CDH18: variants seen among roughly 807,000 people sequenced by gnomAD.
The protein encoded by CDH18 is cadherin-18.
A neutral mutation model predicts 67.9 loss-of-function variants in CDH18; 31 were observed. The observed-to-expected ratio is 0.46, with a 90% confidence interval of 0.34 to 0.62. The LOEUF (loss-of-function observed/expected upper bound fraction) is 0.62, where lower values mean the gene tolerates loss of function less well. Among genes scored for constraint, CDH18 ranks in the 20% least tolerant of loss-of-function variants. The pLI is 0.01. For missense variants in CDH18, 890 were observed against 975.5 expected (o/e 0.91, Z 1.17); for synonymous variants, 362 against 347.2 (o/e 1.04, Z -0.48).
intron 1 of CDH18, among the ~76,000 whole-genome samples, chr5:20,544,721 A>T (rs1311081123): frequency 6.6e-6 from 1 of 152,200 alleles, no homozygotes; most frequent in Non-Finnish European, 1.5e-5. Context: ...TGTGAGGATT[A>T]CAACCCAAGA....
intron 4 of CDH18, among the ~76,000 whole-genome samples, chr5:19,726,648 G>GA (rs1362043352): frequency 6.6e-6 from 1 of 152,244 alleles, no homozygotes; most frequent in East Asian, 1.9e-4. Flanking sequence ...AAGGCTGAAA[G>GA]AAAAATATAT....
At chr5:20,375,716 A>G (rs1421967482) in intron 1 of CDH18, among the ~76,000 whole-genome samples, 1 of 152,102 alleles carries the variant, frequency 6.6e-6, no homozygotes, top group East Asian at 1.9e-4. Flanking sequence ...GCTGGATACA[A>G]ATTAATTGTG....
At position 20,536,751 on chromosome 5, in the gene CDH18, T is replaced by C. The variant is rs893068445; in HGVS notation, c.-580+38711A>G. Among the ~76,000 whole-genome samples, 3 of 152,250 alleles carry C rather than the reference T, an allele frequency of 2.0e-5. No homozygotes were observed. The East Asian group carries it at 5.8e-4, about 30-fold the overall frequency. ...AAAAGCTTGGATTGTTCTAACTTCA[T>C]AGTTCAGAAAACCCAAGGAGGAGGC... On this transcript the variant is annotated intron_variant, in intron 1 of 14. Transcript: ENST00000507958.
intron 2 of CDH18, among the ~76,000 whole-genome samples, chr5:19,871,704 G>A (rs1330177783): frequency 6.6e-6 from 1 of 151,934 alleles, no homozygotes; most frequent in African/African-American, 2.4e-5. Flanking sequence ...CTGCTCTGAG[G>A]CATGAATGTC....
At chr5:19,788,832 G>A (rs965402008) in intron 3 of CDH18, among the ~76,000 whole-genome samples, 24 of 152,138 alleles carry the variant, frequency 1.6e-4, no homozygotes, top group African/African-American at 5.8e-4. Context: ...GAACCCTTAG[G>A]AATTGATTTT....
chr5:20,364,515 AGTCT>A (rs2150075862), intron 1 of CDH18, among the ~76,000 whole-genome samples: 1 of 152,268 alleles, frequency 6.6e-6, no homozygotes, highest in Non-Finnish European at 1.5e-5. Flanking sequence ...CAGAGTTGAG[AGTCT>A]AGGTTTTAGA....
intron 5 of CDH18, among the ~76,000 whole-genome samples, chr5:19,700,834 A>C (rs973282127): frequency 5.9e-5 from 9 of 152,190 alleles, no homozygotes; most frequent in African/African-American, 2.2e-4. Flanking sequence ...TTTAAAATCC[A>C]TACTTGTGTA....
chr5:20,196,408 G>A (rs1310765110), intron 2 of CDH18, among the ~76,000 whole-genome samples: 1 of 152,034 alleles, frequency 6.6e-6, no homozygotes, highest in South Asian at 2.1e-4. Flanking sequence ...AAGAGCACAC[G>A]GCTAATATGT....
intron 2 of CDH18, among the ~76,000 whole-genome samples, chr5:20,038,072 C>G (rs143760489): frequency 6.6e-6 from 1 of 152,092 alleles, no homozygotes; most frequent in Non-Finnish European, 1.5e-5. Context: ...CTGTAAACAC[C>G]TCTACACAAA....
chr5:19,945,058 T>G (rs1245403788), intron 2 of CDH18, among the ~76,000 whole-genome samples: 1 of 151,836 alleles, frequency 6.6e-6, no homozygotes, highest in East Asian at 1.9e-4. Context: ...TCCACATTCA[T>G]GGTGGTGGTA....
At chr5:19,541,746 T>C (rs1750318732) in intron 9 of CDH18, among the ~76,000 whole-genome samples, 1 of 152,128 alleles carries the variant, frequency 6.6e-6, no homozygotes, top group African/African-American at 2.4e-5. Flanking sequence ...CATGATTCAA[T>C]TACCTCCCAT....
intron 1 of CDH18, among the ~76,000 whole-genome samples, chr5:20,327,452 C>T (rs1419986202): frequency 6.6e-6 from 1 of 152,082 alleles, no homozygotes; most frequent in Non-Finnish European, 1.5e-5. Context: ...GCCTCATTGC[C>T]TACTATCTCT....
intron 1 of CDH18, among the ~76,000 whole-genome samples, chr5:20,299,435 CACACACACACACACAA>C (rs1345586576): frequency 1.8e-4 from 26 of 147,298 alleles, no homozygotes; most frequent in African/African-American, 6.8e-4. Context: ...CACACACACA[CACACACACACACACAA>C]AATGAGTCAT....
intron 2 of CDH18, among the ~76,000 whole-genome samples, chr5:20,068,347 A>G (rs973824851): frequency 2.0e-5 from 3 of 152,138 alleles, no homozygotes; most frequent in Non-Finnish European, 4.4e-5. Context: ...AAACAATACT[A>G]CATCATTGGT....
At chr5:19,759,049 G>T (rs1771998412) in intron 3 of CDH18, among the ~76,000 whole-genome samples, 1 of 152,242 alleles carries the variant, frequency 6.6e-6, no homozygotes, top group Non-Finnish European at 1.5e-5. Context: ...ATTGCTTCTG[G>T]TGGGCCTTAT....
chr5:20,449,528 C>A (rs1171231569), intron 1 of CDH18, among the ~76,000 whole-genome samples: 2 of 151,904 alleles, frequency 1.3e-5, no homozygotes, highest in African/African-American at 2.4e-5. Context: ...ATTGATAGAT[C>A]TATAACTGGT....
intron 1 of CDH18, among the ~76,000 whole-genome samples, chr5:20,297,102 A>G (rs1253159948): frequency 2.0e-5 from 3 of 152,160 alleles, no homozygotes; most frequent in Admixed American, 2.0e-4. Context: ...ACATATATTT[A>G]AATACATAAT....
At chr5:19,742,318 C>G (rs1220834499) in intron 4 of CDH18, among the ~76,000 whole-genome samples, 1 of 152,026 alleles carries the variant, frequency 6.6e-6, no homozygotes, top group African/African-American at 2.4e-5. Flanking sequence ...TTTCTGTATT[C>G]TTGTGACATA....
At chr5:19,791,356 AACACACACACAC>A (rs58429751) in intron 3 of CDH18, among the ~76,000 whole-genome samples, 13 of 141,538 alleles carry the variant, frequency 9.2e-5, no homozygotes, top group Admixed American at 7.3e-4. Context: ...TCGACTTTTA[AACACACACACAC>A]ACACACACAC....
Sources: gnomAD v4.1 joint callset for allele counts (sites outside exome capture counted in the v4.1 genomes callset) on GRCh38, gnomAD v4.1.1 for gene constraint, MANE v1.5 for transcripts, NCBI Gene and HGNC (gene_info 2026-07-23, HGNC 2026-07-21) for gene names.